The following OPRM1 variants were observed in gnomAD, a reference collection of about 807,000 sequenced individuals.
The protein encoded by OPRM1 is mu-type opioid receptor.
A neutral mutation model predicts 31.8 loss-of-function variants in OPRM1; 27 were observed. The ratio of observed to expected loss-of-function variants is 0.85; its 90% CI spans 0.63 to 1.17. The LOEUF (loss-of-function observed/expected upper bound fraction) is 1.17, where lower values mean the gene tolerates loss of function less well. OPRM1 is among the 50% of genes most tolerant of loss of function. The pLI is 0.00. For missense variants in OPRM1, 536 were observed against 511.1 expected, an observed-to-expected ratio of 1.05 and a Z score of -0.47; for synonymous variants, 196 against 189.9, an observed-to-expected ratio of 1.03 and a Z score of -0.26.
intron 1 of OPRM1, among the ~76,000 whole-genome samples, chr6:154,021,277 G>T (rs1778351639): frequency 1.3e-5 from 2 of 152,082 alleles, no homozygotes; most frequent in Non-Finnish European, 2.9e-5. Context: ...TATTTATATG[G>T]ATCTATACCT....
intron 3 of OPRM1, among the ~76,000 whole-genome samples, chr6:154,161,907 C>T (rs1333876253): frequency 6.6e-6 from 1 of 152,198 alleles, no homozygotes; most frequent in African/African-American, 2.4e-5. Flanking sequence ...ATCACATTTT[C>T]ACATCCTTTT....
At position 154,168,229 on chromosome 6, in the gene OPRM1, C is replaced by T. The variant is rs1014436482; in HGVS notation, c.1164+76757C>T. The T allele has an allele frequency of 1.5e-6, 1 of 688,400 alleles. No homozygotes were observed. 42.6% of individuals were successfully genotyped at this position (688,400 alleles called of 1,614,324 possible). ...CCACTGGCACCCTCATCTCAGACTT[C>T]TCTCCGGAACTGAAAGACAATAAAT... On this transcript the variant is annotated intron_variant, in intron 3 of 3. Transcript: ENST00000337049. This position sits in a 1 kb window ranked among gnomAD's most constrained non-coding sequence, Gnocchi z 4.1.
intron 3 of OPRM1, among the ~76,000 whole-genome samples, chr6:154,145,000 A>AAT (rs1798322267): frequency 6.6e-6 from 1 of 152,060 alleles, no homozygotes; most frequent in South Asian, 2.1e-4. Context: ...AGATTTAAAA[A>AAT]ATATATATAC....
upstream of OPRM1, among the ~76,000 whole-genome samples, chr6:154,038,208 A>C (rs909016070): frequency 3.9e-5 from 6 of 152,150 alleles, no homozygotes; most frequent in African/African-American, 1.4e-4. Flanking sequence ...ATTGCAGTGA[A>C]TTTTTCAAGA....
At chr6:154,185,779 GA>G (rs1445675306) in intron 3 of OPRM1, among the ~76,000 whole-genome samples, 5 of 152,008 alleles carry the variant, frequency 3.3e-5, no homozygotes, top group Non-Finnish European at 7.4e-5. Flanking sequence ...AAGCTAAAAA[GA>G]AAAAAATCAC....
At chr6:154,204,491 G>A (rs1777323132) in intron 3 of OPRM1, among the ~76,000 whole-genome samples, 1 of 152,170 alleles carries the variant, frequency 6.6e-6, no homozygotes, top group Non-Finnish European at 1.5e-5. Flanking sequence ...TTAAGCCCCA[G>A]GAAGTATCAT....
At chr6:154,028,003 G>T (rs1359713113) in intron 1 of OPRM1, among the ~76,000 whole-genome samples, 11 of 152,170 alleles carry the variant, frequency 7.2e-5, no homozygotes, top group Admixed American at 1.3e-4. Context: ...GCAAGACAAA[G>T]TCCCCTTTGC....
chr6:154,079,863 ACTGCAC>A (rs1192885600), intron 1 of OPRM1, among the ~76,000 whole-genome samples: 3 of 152,096 alleles, frequency 2.0e-5, no homozygotes, highest in Non-Finnish European at 2.9e-5. Context: ...GACGTGAGCA[ACTGCAC>A]CTGGTCAGAA....
intron 3 of OPRM1, among the ~76,000 whole-genome samples, chr6:154,109,784 CTCTCTCTCTGTGTGTGTG>C: frequency 8.2e-6 from 1 of 121,644 alleles, no homozygotes; most frequent in African/African-American, 2.9e-5. Flanking sequence ...CTCTCTCTCT[CTCTCTCTCTGTGTGTGTG>C]TGTGTGTGTG....
At chr6:154,156,279 C>T (rs927401659) in intron 3 of OPRM1, 1 of 152,226 alleles carries the variant, frequency 6.6e-6, no homozygotes, top group African/African-American at 2.4e-5. Context: ...GAGAATTTAG[C>T]CAAACAGCCA....
intron 1 of OPRM1, among the ~76,000 whole-genome samples, chr6:154,024,648 GTT>G (rs60673575): frequency 1.4e-5 from 2 of 138,328 alleles, no homozygotes; most frequent in Non-Finnish European, 1.6e-5. Flanking sequence ...CTTATTTGAA[GTT>G]TTTTTTTTTT....
chr6:154,064,393 C>T (rs1403937776), intron 1 of OPRM1, among the ~76,000 whole-genome samples: 1 of 151,978 alleles, frequency 6.6e-6, no homozygotes, highest in Non-Finnish European at 1.5e-5. Flanking sequence ...ATATTAATCC[C>T]TTCTCAGATA....
chr6:154,135,852 G>A (rs886703498), downstream of OPRM1, among the ~76,000 whole-genome samples: 16 of 152,190 alleles, frequency 1.1e-4, no homozygotes, highest in African/African-American at 3.9e-4. Flanking sequence ...AACTAGAAAT[G>A]TGTTTTCTGA....
chr6:154,138,132 T>C (rs1798105020), intron 3 of OPRM1, among the ~76,000 whole-genome samples: 1 of 152,226 alleles, frequency 6.6e-6, no homozygotes. Context: ...TGTAACTCCT[T>C]ACTCCTTCGA....
chr6:154,238,158 GT>G (rs1780288403), intron 3 of OPRM1, among the ~76,000 whole-genome samples: 1 of 152,188 alleles, frequency 6.6e-6, no homozygotes, highest in Non-Finnish European at 1.5e-5. Context: ...ACAGCATCAT[GT>G]ATGATATTAT....
chr6:154,159,722 G>T, intron 3 of OPRM1: 1 of 812,516 alleles, frequency 1.2e-6, no homozygotes, highest in Non-Finnish European at 2.0e-6. Context: ...GCTGATGCTT[G>T]AAGGACTGGG....
Position 154,090,176 on chromosome 6 carries a change from A to G in OPRM1, c.641A>G (p.Gln214Arg). The change falls in exon 2 of 4, where the codon CAA (glutamine) becomes CGA (arginine). Residue 214 changes from glutamine (Q) to arginine (R), a missense_variant and splice_region_variant. Transcript: ENST00000330432. ...TTCATGGCTACAACAAAATACAGGCAAGGTGAGTGATGTTACCAGCCTGAG... is the reference window on the plus strand; with the variant it reads ...TTCATGGCTACAACAAAATACAGGCGAGGTGAGTGATGTTACCAGCCTGAG... ...VMFMATTKYR[Q>R]GSIDCTLTFS... The G allele has an allele frequency of 6.2e-7, 1 of 1,603,490 alleles. No individual in the cohort carries two copies. Among genetic ancestry groups the G allele is most frequent in the Non-Finnish European group, 8.5e-7 (1 of 1,171,946 alleles).
intron 1 of OPRM1, among the ~76,000 whole-genome samples, chr6:154,070,196 C>T (rs1786363060): frequency 6.6e-6 from 1 of 152,186 alleles, no homozygotes; most frequent in South Asian, 2.1e-4. Context: ...GCAAGCTGCT[C>T]CTGCAGCTCA....
intron 3 of OPRM1, among the ~76,000 whole-genome samples, chr6:154,194,355 C>G (rs1442085081): frequency 6.6e-6 from 1 of 152,212 alleles, no homozygotes; most frequent in Non-Finnish European, 1.5e-5. Context: ...GCTGAGATCA[C>G]ACCATTGCAC....
Sources: gnomAD v4.1 joint callset for allele counts (sites outside exome capture counted in the v4.1 genomes callset) on GRCh38, gnomAD v4.1.1 for gene constraint, Gnocchi (gnomAD v3.1) non-coding constraint, MANE v1.5 for transcripts, NCBI Gene and HGNC (gene_info 2026-07-23, HGNC 2026-07-21) for gene names.